Variants in KCNMB3 observed in about 807,000 individuals in gnomAD.
The protein encoded by KCNMB3 is calcium-activated potassium channel subunit beta-3.
KCNMB3 carries 18 observed loss-of-function variants against 11.9 expected under a neutral mutation model. That is an observed-to-expected ratio of 1.51 (90% confidence interval 1.04 to 2.23). The LOEUF (loss-of-function observed/expected upper bound fraction) is 2.23. Among genes scored for constraint, KCNMB3 ranks in the 30% most tolerant of loss-of-function variants. The pLI, the probability that KCNMB3 is intolerant of heterozygous loss-of-function variation, is 0.00. For missense variants in KCNMB3, 247 were observed against 329.4 expected, an observed-to-expected ratio of 0.75 and a Z score of 1.94; for synonymous variants, 78 against 119.2, an observed-to-expected ratio of 0.65 and a Z score of 2.25.
At position 179,259,022 on chromosome 3, in the gene KCNMB3, G is replaced by C. The variant is rs1417056709; in HGVS notation, c.62+7627C>G. 6 of 1,614,004 alleles carry C rather than the reference G, an allele frequency of 3.7e-6. No individual in the cohort carries two copies. The African/African-American group carries it at 8.0e-5, about 22-fold the overall frequency. ...CACGCCTGCCGCCTGCCTCAGCTTAGGACATGGTACGGTCTTCTTTGCTTT... is the reference window on the plus strand; with the variant it reads ...CACGCCTGCCGCCTGCCTCAGCTTACGACATGGTACGGTCTTCTTTGCTTT... On this transcript the variant is annotated intron_variant, in intron 1 of 3. Transcript: ENST00000349697.
At chr3:179,259,406 C>T (rs1222160523) in intron 1 of KCNMB3, 5 of 1,593,440 alleles carry the variant, frequency 3.1e-6, no homozygotes, top group Admixed American at 1.7e-5. Context: ...CTGTGACATC[C>T]TCAAAATCTA....
intron 1 of KCNMB3, among the ~76,000 whole-genome samples, chr3:179,249,207 G>T (rs1725749366): frequency 6.7e-6 from 1 of 150,166 alleles, no homozygotes. Flanking sequence ...TAGAGACGGG[G>T]TTTCAGCATG....
chr3:179,255,244 T>C (rs1402379958), upstream of KCNMB3, among the ~76,000 whole-genome samples: 1 of 150,732 alleles, frequency 6.6e-6, no homozygotes, highest in Non-Finnish European at 1.5e-5. Context: ...GGCGTTTGAG[T>C]GCAAAAAAAA....
intron 1 of KCNMB3, chr3:179,259,262 T>TA: frequency 6.5e-7 from 1 of 1,537,188 alleles, no homozygotes; most frequent in African/African-American, 1.4e-5. Flanking sequence ...CATTTTTGGG[T>TA]ACGGTGCAGT....
At chr3:179,255,808 G>A (rs147005559), upstream of KCNMB3, among the ~76,000 whole-genome samples, 22 of 152,214 alleles carry the variant, frequency 1.4e-4, no homozygotes, top group African/African-American at 3.6e-4. Flanking sequence ...CTTAACAGTC[G>A]CCAAAGAAAA....
At chr3:179,263,144 C>T (rs1275780025) in intron 1 of KCNMB3, among the ~76,000 whole-genome samples, 1 of 152,226 alleles carries the variant, frequency 6.6e-6, no homozygotes, top group African/African-American at 2.4e-5. Flanking sequence ...CAGGAGCCCA[C>T]GGAGGCGGGG....
At chr3:179,240,081 AAAAG>A (rs1451311880), downstream of KCNMB3, 9 of 1,523,138 alleles carry the variant, frequency 5.9e-6, no homozygotes, top group East Asian at 1.7e-4. Flanking sequence ...ATTAAAAAAA[AAAAG>A]AAAAATTACT....
Position 179,242,895 on chromosome 3 carries a change from G to C in KCNMB3, c.*9C>G. ...ATCTGAAGGCCAGCACTTTAATTTG[G>C]CCACCGTCTTAAGATTTCTCTGCTC... On this transcript the variant is annotated 3_prime_UTR_variant, in exon 3 of 3. Coordinates refer to ENST00000392685, the MANE Select transcript of KCNMB3 (RefSeq NM_171830.2). The C allele has an allele frequency of 6.4e-7, 1 of 1,571,542 alleles. No individual in the cohort carries two copies. Among genetic ancestry groups the C allele is most frequent in the South Asian group, 1.2e-5 (1 of 81,812 alleles).
intron 2 of KCNMB3, among the ~76,000 whole-genome samples, 174 bp from the exon 3 acceptor site, chr3:179,243,458 G>A (rs1725530531): frequency 6.6e-6 from 1 of 152,126 alleles, no homozygotes; most frequent in South Asian, 2.1e-4. Flanking sequence ...GGGCCACAGT[G>A]AAATGGCCAT....
intron 1 of KCNMB3, chr3:179,266,584 C>G (rs1726374689): frequency 1.9e-6 from 3 of 1,590,112 alleles, no homozygotes; most frequent in South Asian, 2.2e-5. Flanking sequence ...GAGATGTCCC[C>G]TCTTCTTGCA....
At chr3:179,247,451 A>G (rs1287001276) in intron 1 of KCNMB3, among the ~76,000 whole-genome samples, 1 of 152,108 alleles carries the variant, frequency 6.6e-6, no homozygotes, top group Non-Finnish European at 1.5e-5. Context: ...GCTTGAGCCT[A>G]GGAGTTTGAG....
At chr3:179,249,708 C>A (rs957072713) in intron 1 of KCNMB3, among the ~76,000 whole-genome samples, 2 of 152,106 alleles carry the variant, frequency 1.3e-5, no homozygotes, top group Non-Finnish European at 2.9e-5. Context: ...TAAGGAAGAA[C>A]AAGATCATGT....
chr3:179,243,612 T>C (rs1244230302), intron 2 of KCNMB3, among the ~76,000 whole-genome samples: 2 of 152,220 alleles, frequency 1.3e-5, no homozygotes, highest in African/African-American at 2.4e-5. Flanking sequence ...CGTTTGTCCA[T>C]TGAACAAAAA....
chr3:179,240,336 A>G (rs6806555), downstream of KCNMB3: 52,462 of 341,220 alleles, frequency 0.15, 5,230 homozygotes, highest in African/African-American at 0.34. Flanking sequence ...TTAAATATTT[A>G]CTTCCTTTAA....
At chr3:179,257,738 G>T (rs10804877) in intron 1 of KCNMB3, among the ~76,000 whole-genome samples, 71,078 of 151,616 alleles carry the variant, frequency 0.47, 18,452 homozygotes, top group East Asian at 0.87. Context: ...TTAGAGACAG[G>T]GTCTCACTCT....
chr3:179,242,609 G>C (rs777480333), downstream of KCNMB3: 8 of 276,714 alleles, frequency 2.9e-5, no homozygotes, highest in Admixed American at 5.0e-5. Context: ...ACTGGTTCTA[G>C]CTAGAGCTGA....
chr3:179,249,042 T>C (rs1469921502), intron 1 of KCNMB3, among the ~76,000 whole-genome samples: 2 of 130,984 alleles, frequency 1.5e-5, no homozygotes, highest in Admixed American at 1.6e-4. Flanking sequence ...AGACAGAGTC[T>C]CGCTCAGTCA....
chr3:179,257,872 T>TTGTGTG (rs112319528), intron 1 of KCNMB3, among the ~76,000 whole-genome samples: 17 of 90,958 alleles, frequency 1.9e-4, no homozygotes, highest in African/African-American at 4.9e-4. Flanking sequence ...AAACATTGTT[T>TTGTGTG]TGTGTGTGTG....
chr3:179,246,809 T>C (rs1725658895), intron 1 of KCNMB3, among the ~76,000 whole-genome samples: 1 of 152,242 alleles, frequency 6.6e-6, no homozygotes, highest in African/African-American at 2.4e-5. Context: ...TCCTTAAAGA[T>C]TTTAGAAAGC....
Sources: gnomAD v4.1 joint callset for allele counts (sites outside exome capture counted in the v4.1 genomes callset) on GRCh38, gnomAD v4.1.1 for gene constraint, MANE v1.5 for transcripts, NCBI Gene and HGNC (gene_info 2026-07-23, HGNC 2026-07-21) for gene names.